Variants in CEP57 observed in about 807,000 individuals in gnomAD.
The protein encoded by CEP57 is centrosomal protein 57, also known as centrosomal protein of 57 kDa.
In CEP57, 40 loss-of-function variants were observed where a neutral mutation model predicts 68.0. The ratio of observed to expected loss-of-function variants is 0.59; its 90% CI spans 0.46 to 0.77. The LOEUF (loss-of-function observed/expected upper bound fraction) is 0.77, where lower values mean the gene tolerates loss of function less well. Ranked by LOEUF, CEP57 falls within the 30% of genes least tolerant of loss-of-function variation. CEP57 has a pLI of 0.00. For synonymous variants in CEP57, 219 were observed against 198.7 expected (o/e 1.10, Z -0.86); for missense variants, 606 against 580.7 (o/e 1.04, Z -0.45).
intron 8 of CEP57, 42 bp from the exon 9 acceptor site, chr11:95,827,744 A>T: frequency 6.2e-7 from 1 of 1,611,960 alleles, no homozygotes; most frequent in Non-Finnish European, 8.5e-7. Flanking sequence ...GGTGTAGAGA[A>T]TATAACTTCA....
chr11:95,812,878 T>C lies in CEP57; in HGVS notation c.203-54T>C, dbSNP rs769422229. 9.4e-6 allele frequency: 14 copies of C among 1,486,408 alleles called. No homozygotes were observed. The East Asian group carries it at 2.7e-4, about 29-fold the overall frequency. 92.1% of individuals were successfully genotyped at this position (1,486,408 alleles called of 1,614,324 possible). On this transcript the variant is annotated intron_variant, in intron 2 of 10. Transcript: ENST00000325542. ...TAGATGAGTTTATTCTTTCTTAATA[T>C]ACTTTCTCCGCATATGCTGTTACAG...
At position 95,818,813 on chromosome 11, in the gene CEP57, AT is replaced by A. The variant is rs745634452; in HGVS notation, c.622-9del. ...ATTTTTCACCTTTATCCCTTTTGACATTTTTATCACTAGAAAAAAATGCAAG... is the reference window on the plus strand; with the variant it reads ...ATTTTTCACCTTTATCCCTTTTGACATTTTATCACTAGAAAAAAATGCAAG... On this transcript the variant is annotated splice_polypyrimidine_tract_variant and intron_variant, in intron 5 of 10. Coordinates refer to ENST00000325542, the MANE Select transcript of CEP57 (RefSeq NM_014679.5). The A allele has an allele frequency of 1.9e-6, 3 of 1,610,434 alleles. No homozygotes were observed. Among genetic ancestry groups the A allele is most frequent in the Non-Finnish European group, 2.5e-6 (3 of 1,176,784 alleles).
chr11:95,796,717 A>G (rs1244925801), intron 1 of CEP57, among the ~76,000 whole-genome samples: 1 of 152,130 alleles, frequency 6.6e-6, no homozygotes, highest in African/African-American at 2.4e-5. Context: ...ACCCCCATAC[A>G]TTAAGGGGCT....
At position 95,831,119 on chromosome 11, in the gene CEP57, A is replaced by G. The variant is rs1862989165; in HGVS notation, c.1366A>G (p.Ile456Val). 6.2e-7 allele frequency: 1 copy of G among 1,613,728 alleles called. No individual in the cohort carries two copies. The highest frequency in any genetic ancestry group is 2.2e-5 in the East Asian group (1 of 44,860). The change falls in exon 11 of 11, where the codon ATC becomes GTC. Residue 456 changes from isoleucine (I) to valine (V), a missense_variant. Physicochemically the swap from Ile to Val is conservative, Grantham distance 29. Coordinates refer to ENST00000325542, the MANE Select transcript of CEP57 (RefSeq NM_014679.5). ...EERNSSSRSGITGTTNKKDFM... is the reference protein window; with the variant it reads ...EERNSSSRSGVTGTTNKKDFM... ...AAGAAACAGCAGCAGCCGTTCTGGAATCACAGGGACCACAAATAAGAAAGA... is the reference window on the plus strand; with the variant it reads ...AAGAAACAGCAGCAGCCGTTCTGGAGTCACAGGGACCACAAATAAGAAAGA...
intron 6 of CEP57, among the ~76,000 whole-genome samples, chr11:95,820,614 G>A (rs148440680): frequency 1.4e-5 from 2 of 147,750 alleles, no homozygotes; most frequent in African/African-American, 4.9e-5. Context: ...TCTGCATTTT[G>A]CATCTTGGTG....
intron 1 of CEP57, among the ~76,000 whole-genome samples, chr11:95,791,744 G>T (rs1457414858): frequency 6.6e-6 from 1 of 152,204 alleles, no homozygotes. Flanking sequence ...CGTGTCGAAG[G>T]AATTGTGATT....
rs903450982 is a variant in CEP57 at position 95,818,815 on chromosome 11, T to C, written c.622-12T>C. The C allele has an allele frequency of 1.1e-5, 18 of 1,611,206 alleles. No individual in the cohort carries two copies. Among genetic ancestry groups the C allele is most frequent in the Admixed American group, 3.3e-5 (2 of 59,982 alleles). ...TTTTCACCTTTATCCCTTTTGACAT[T>C]TTTATCACTAGAAAAAAATGCAAGA... On this transcript the variant is annotated splice_polypyrimidine_tract_variant and intron_variant, in intron 5 of 10. Coordinates refer to ENST00000325542, the MANE Select transcript of CEP57 (RefSeq NM_014679.5).
intron 2 of CEP57, among the ~76,000 whole-genome samples, chr11:95,810,653 C>G (rs984812775): frequency 6.6e-6 from 1 of 152,122 alleles, no homozygotes; most frequent in Admixed American, 6.5e-5. Context: ...ATGTGAAGGA[C>G]CCCTTCAAGG....
chr11:95,828,168 G>T (rs1345214620), intron 9 of CEP57, 141 bp downstream of exon 9: 4 of 942,284 alleles, frequency 4.2e-6, no homozygotes, highest in Admixed American at 5.5e-5. Context: ...AAGTTACTGG[G>T]ACTTTAACAA....
intron 1 of CEP57, among the ~76,000 whole-genome samples, chr11:95,791,064 A>G (rs1028516161): frequency 4.6e-5 from 7 of 152,304 alleles, no homozygotes; most frequent in Middle Eastern, 3.4e-3. Flanking sequence ...GCAAAAATGT[A>G]GCTCTTTTGG....
chr11:95,813,780 T>A (rs1188459816), intron 4 of CEP57, among the ~76,000 whole-genome samples, 191 bp downstream of exon 4: 1 of 152,090 alleles, frequency 6.6e-6, no homozygotes, highest in Non-Finnish European at 1.5e-5. Context: ...TTTCGTAGAG[T>A]TTTACTTAAA....
intron 8 of CEP57, chr11:95,826,705 TAACAG>T (rs966176325): frequency 3.3e-5 from 5 of 152,018 alleles, no homozygotes; most frequent in Non-Finnish European, 5.9e-5. Flanking sequence ...ATCAGAAAAA[TAACAG>T]AACGAGAATT....
intron 6 of CEP57, among the ~76,000 whole-genome samples, chr11:95,819,208 G>A (rs1459845663): frequency 6.6e-6 from 1 of 152,084 alleles, no homozygotes; most frequent in Non-Finnish European, 1.5e-5. Flanking sequence ...AACTTCTTAC[G>A]GCCATTATCA....
intron 8 of CEP57, 187 bp downstream of exon 8, chr11:95,822,763 G>A (rs1317591222): frequency 8.1e-6 from 5 of 615,034 alleles, no homozygotes; most frequent in Non-Finnish European, 1.5e-5. Context: ...GAAGAGATGG[G>A]GAGGATACCT....
chr11:95,806,522 CT>C (rs1565316716), intron 2 of CEP57, among the ~76,000 whole-genome samples: 1 of 152,220 alleles, frequency 6.6e-6, no homozygotes, highest in African/African-American at 2.4e-5. Context: ...CACTCCCACC[CT>C]AATACTGTGC....
At chr11:95,794,264 G>A in intron 1 of CEP57, 1 of 455,856 alleles carries the variant, frequency 2.2e-6, no homozygotes, top group Non-Finnish European at 4.4e-6. Flanking sequence ...GTGGGTCATG[G>A]AATATGTACT....
intron 5 of CEP57, 82 bp downstream of exon 5, chr11:95,817,985 T>C: frequency 1.2e-6 from 1 of 811,330 alleles, no homozygotes; most frequent in Non-Finnish European, 2.2e-6. Flanking sequence ...CACTGGATAT[T>C]TATAGCATTA....
chr11:95,809,386 A>T (rs1861950479), intron 2 of CEP57, among the ~76,000 whole-genome samples: 1 of 152,206 alleles, frequency 6.6e-6, no homozygotes, highest in Non-Finnish European at 1.5e-5. Context: ...GACACAAAAA[A>T]CCCTTCAAAA....
chr11:95,814,950 A>G (rs905787284), intron 4 of CEP57, among the ~76,000 whole-genome samples: 3 of 152,244 alleles, frequency 2.0e-5, no homozygotes, highest in East Asian at 1.9e-4. Context: ...CTCATATACT[A>G]TAAATTATCT....
Sources: gnomAD v4.1 joint callset for allele counts (sites outside exome capture counted in the v4.1 genomes callset) on GRCh38, gnomAD v4.1.1 for gene constraint, MANE v1.5 for transcripts, NCBI Gene and HGNC (gene_info 2026-07-23, HGNC 2026-07-21) for gene names.